Variants in DDR2 observed in about 807,000 individuals in gnomAD.
DDR2 encodes discoidin domain-containing receptor 2.
Under a neutral mutation model 94.9 loss-of-function variants are expected in DDR2, and 27 were observed. The observed-to-expected ratio is 0.28, with a 90% confidence interval of 0.21 to 0.39. The LOEUF (loss-of-function observed/expected upper bound fraction) is 0.39, where lower values mean the gene tolerates loss of function less well. Among genes scored for constraint, DDR2 ranks in the 10% least tolerant of loss-of-function variants. The pLI is 1.00. For missense variants in DDR2, 783 were observed against 1,076.0 expected, an observed-to-expected ratio of 0.73 and a Z score of 3.81; for synonymous variants, 382 against 377.2, an observed-to-expected ratio of 1.01 and a Z score of -0.15.
At position 162,761,302 on chromosome 1, in the gene DDR2, A is replaced by G. The variant is rs1558071250; in HGVS notation, c.947A>G (p.Asn316Ser). The G allele has an allele frequency of 1.9e-6, 3 of 1,614,028 alleles. No individual in the cohort carries two copies. Among genetic ancestry groups the G allele is most frequent in the East Asian group, 2.2e-5 (1 of 44,896 alleles). The change falls in exon 9 of 18, where the codon AAT becomes AGT. Residue 316 changes from asparagine (N) to serine (S), a missense_variant. By Grantham distance (46) the Asn-to-Ser change is conservative (BLOSUM62 1). Transcript: ENST00000367921. ...TCTGAAGCCAGTGAGTGGGAACCTA[A>G]TGCCATTTCCTTCCCCCTTGTCCTG... is the stretch of plus-strand genomic sequence containing the variant. ...FRSEASEWEP[N>S]AISFPLVLDD... is the part of the protein sequence containing the mutation.
chr1:162,702,927 C>CTG (rs1409737663), intron 2 of DDR2, among the ~76,000 whole-genome samples: 1 of 151,972 alleles, frequency 6.6e-6, no homozygotes, highest in South Asian at 2.1e-4. Flanking sequence ...CTCTCTCTCT[C>CTG]TGTGTGTGTG....
At position 162,753,319 on chromosome 1, in the gene DDR2, G is replaced by A. The variant is rs1004595211; in HGVS notation, c.185+122G>A. 3.4e-6 allele frequency: 3 copies of A among 882,898 alleles called. No homozygotes were observed. The Admixed American group carries it at 6.1e-5, about 18-fold the overall frequency. The allele number at this position is 882,898 out of a possible 1,614,324, so 54.7% of individuals were successfully genotyped here. On this transcript the variant is annotated intron_variant, in intron 4 of 17. Coordinates refer to ENST00000367921, the MANE Select transcript of DDR2 (RefSeq NM_006182.4). ...TTGGCAGGAACTGTTGAGAAATGAA[G>A]GACAGACAGCAAGTGGGCCTGTCCT... is the stretch of plus-strand genomic sequence containing the variant.
At position 162,783,502 on chromosome 1, in the gene DDR2, G is replaced by A. The variant is rs1465922642; in HGVS notation, c.*3256G>A. 1 of 152,234 alleles carries A rather than the reference G, an allele frequency of 6.6e-6. No homozygotes were observed. The highest frequency in any genetic ancestry group is 1.5e-5 in the Non-Finnish European group (1 of 68,100). 9.4% of individuals were successfully genotyped at this position (152,234 alleles called of 1,614,324 possible). A position where few individuals can be genotyped will look rare whatever the true frequency, so the allele number is the denominator to read the frequency against. ...ATGGAGAATGCACAGGAAAGACACA[G>A]GGGAAGGTCAAGTCGAGCAAGGTAG... On this transcript the variant is annotated 3_prime_UTR_variant, in exon 18 of 18. Transcript: ENST00000367921.
In DDR2 at chr1:162,767,359, G is replaced by A; in HGVS notation, c.1293G>A (p.Lys431=). 6.2e-7 allele frequency: 1 copy of A among 1,613,800 alleles called. No homozygotes were observed. The highest frequency in any genetic ancestry group is 8.5e-7 in the Non-Finnish European group (1 of 1,179,978). The part of the protein sequence containing the change: ...WRQFWQKMLE[K]ASRRMLDDEM... ...AGTTCTGGCAGAAAATGCTGGAGAA[G>A]GTGAGGAGGTGCAGAATGGTCATGA... The change falls in exon 11 of 18, where the codon AAG becomes AAA. Residue 431 remains lysine, a splice_region_variant and synonymous_variant. Transcript: ENST00000367921.
intron 10 of DDR2, 140 bp from the exon 11 acceptor site, chr1:162,767,089 T>C: frequency 8.8e-7 from 1 of 1,130,860 alleles, no homozygotes; most frequent in Admixed American, 1.8e-5. Context: ...AGAGCAAGAA[T>C]AAGCAGAAGT....
rs1302275217 is a variant in DDR2 at position 162,783,445 on chromosome 1, G to A, written c.*3199G>A. On this transcript the variant is annotated 3_prime_UTR_variant, in exon 18 of 18. Coordinates refer to ENST00000367921, the MANE Select transcript of DDR2 (RefSeq NM_006182.4). The stretch of plus-strand genomic sequence containing the variant: ...TATGACTGAATAGGGAGGAAGGTCA[G>A]GGCTAGAAAGGAGGCTACATAAAAA... The A allele has an allele frequency of 1.3e-5, 2 of 152,124 alleles. No homozygotes were observed. The highest frequency in any genetic ancestry group is 2.9e-5 in the Non-Finnish European group (2 of 68,028). 9.4% of individuals were successfully genotyped at this position (152,124 alleles called of 1,614,324 possible). A position where few individuals can be genotyped will look rare whatever the true frequency, so the allele number is the denominator to read the frequency against.
chr1:162,719,512 T>C (rs1262985474), intron 3 of DDR2, among the ~76,000 whole-genome samples: 3 of 152,128 alleles, frequency 2.0e-5, no homozygotes, highest in East Asian at 3.9e-4. Flanking sequence ...CCAGTTGTTT[T>C]GGGCTGTCTT....
At chr1:162,663,875 C>G (rs1474737180) in intron 2 of DDR2, among the ~76,000 whole-genome samples, 3 of 152,162 alleles carry the variant, frequency 2.0e-5, no homozygotes, top group African/African-American at 4.8e-5. Flanking sequence ...CACCACTAAT[C>G]TTTTTGTTGC....
Position 162,691,576 on chromosome 1 carries a change from G to A in DDR2, c.-27-27461G>A, listed in dbSNP as rs534178637. Among the ~76,000 whole-genome samples the A allele has an allele frequency of 2.1e-3, 316 of 152,332 alleles. 1 individual carries two copies. Among genetic ancestry groups the A allele is most frequent in the Non-Finnish European group, 3.7e-3 (249 of 68,038 alleles). Reference sequence around the variant, plus strand: ...TGCTTGGTGACAGCAATATAGAGATGAATAAGACCAGTGTCTAGTGACGTG... The same window carrying A: ...TGCTTGGTGACAGCAATATAGAGATAAATAAGACCAGTGTCTAGTGACGTG... On this transcript the variant is annotated intron_variant, in intron 2 of 17. Transcript: ENST00000367921.
intron 2 of DDR2, among the ~76,000 whole-genome samples, chr1:162,667,269 C>T (rs1658628005): frequency 2.0e-5 from 3 of 152,120 alleles, no homozygotes; most frequent in Non-Finnish European, 2.9e-5. Flanking sequence ...ACTTATTATT[C>T]TCTTTACTCA....
Position 162,755,774 on chromosome 1 carries a change from A to G in DDR2, c.671+5A>G. ...TGATGGAGCTGTTGGATACAGGTAA[A>G]TCCTGGGAAACTTTATTAGAATGGG... On this transcript the variant is annotated splice_donor_5th_base_variant and intron_variant, in intron 7 of 17. Coordinates refer to ENST00000367921, the MANE Select transcript of DDR2 (RefSeq NM_006182.4). 1 of 1,612,780 alleles carries G rather than the reference A, an allele frequency of 6.2e-7. No homozygotes were observed. Among genetic ancestry groups the G allele is most frequent in the Non-Finnish European group, 8.5e-7 (1 of 1,178,750 alleles).
chr1:162,691,594 G>C (rs1407301522), intron 2 of DDR2, among the ~76,000 whole-genome samples: 1 of 152,230 alleles, frequency 6.6e-6, no homozygotes, highest in Non-Finnish European at 1.5e-5. Flanking sequence ...CCAGTGTCTA[G>C]TGACGTGCTG....
chr1:162,764,303 CTG>C (rs1234400449), intron 9 of DDR2, among the ~76,000 whole-genome samples: 2 of 150,330 alleles, frequency 1.3e-5, no homozygotes, highest in African/African-American at 4.9e-5. Flanking sequence ...CAGCCAGAAA[CTG>C]TGCCAAATCT....
chr1:162,717,652 C>T (rs756136896), intron 2 of DDR2, among the ~76,000 whole-genome samples: 1 of 152,148 alleles, frequency 6.6e-6, no homozygotes, highest in African/African-American at 2.4e-5. Context: ...GATTACTCAT[C>T]AGGAACTTTA....
chr1:162,656,859 G>GTTTTTTTTTTTTTTT, intron 2 of DDR2, among the ~76,000 whole-genome samples: 1 of 107,208 alleles, frequency 9.3e-6, no homozygotes, highest in Non-Finnish European at 1.8e-5. Context: ...TATTTTTTTT[G>GTTTTTTTTTTTTTTT]TTAACAGGGT....
chr1:162,698,729 G>A (rs940524029), intron 2 of DDR2, among the ~76,000 whole-genome samples: 4 of 152,164 alleles, frequency 2.6e-5, no homozygotes, highest in African/African-American at 9.7e-5. Flanking sequence ...CCAGTGGGAG[G>A]CTTGTAGGCA....
chr1:162,710,252 A>G (rs1396533114), intron 2 of DDR2, among the ~76,000 whole-genome samples: 2 of 152,228 alleles, frequency 1.3e-5, no homozygotes, highest in Admixed American at 1.3e-4. Flanking sequence ...TAACAAAGGC[A>G]GAAGTGGAGC....
chr1:162,753,518 G>A (rs1445589657), intron 4 of DDR2, among the ~76,000 whole-genome samples: 1 of 152,168 alleles, frequency 6.6e-6, no homozygotes, highest in Non-Finnish European at 1.5e-5. Flanking sequence ...CAGGAGGCAG[G>A]CAACAGTGGC....
chr1:162,681,795 CA>C (rs1369304464), intron 2 of DDR2, among the ~76,000 whole-genome samples: 1 of 152,132 alleles, frequency 6.6e-6, no homozygotes, highest in Non-Finnish European at 1.5e-5. Context: ...CTTTGGGGGT[CA>C]GATTTAAACA....
Sources: gnomAD v4.1 joint callset for allele counts (sites outside exome capture counted in the v4.1 genomes callset) on GRCh38, gnomAD v4.1.1 for gene constraint, MANE v1.5 for transcripts, NCBI Gene and HGNC (gene_info 2026-07-23, HGNC 2026-07-21) for gene names.